PPP6R3: variants seen among roughly 807,000 people sequenced by gnomAD.
The protein encoded by PPP6R3 is serine/threonine-protein phosphatase 6 regulatory subunit 3.
In PPP6R3, 38 loss-of-function variants were observed where a neutral mutation model predicts 110.7. The observed-to-expected ratio is 0.34, with a 90% CI of 0.26 to 0.45. PPP6R3 has a LOEUF of 0.45. Among genes scored for constraint, PPP6R3 ranks in the 20% least tolerant of loss-of-function variants. The pLI is 1.00. For missense variants in PPP6R3, 870 were observed against 1,062.4 expected (o/e 0.82, Z 2.52); for synonymous variants, 369 against 373.5 (o/e 0.99, Z 0.14).
At chr11:68,462,792 C>T (rs140715890) in intron 1 of PPP6R3, among the ~76,000 whole-genome samples, 1 of 152,240 alleles carries the variant, frequency 6.6e-6, no homozygotes, top group African/African-American at 2.4e-5. Flanking sequence ...GCACCTTCCC[C>T]TGGTATTGTT....
At chr11:68,552,357 T>A (rs1307521575) in intron 6 of PPP6R3, among the ~76,000 whole-genome samples, 1 of 152,184 alleles carries the variant, frequency 6.6e-6, no homozygotes, top group Non-Finnish European at 1.5e-5. Flanking sequence ...CAGAAATACA[T>A]TTTCTGTGAT....
intron 3 of PPP6R3, among the ~76,000 whole-genome samples, chr11:68,540,489 C>T (rs574435427): frequency 7.9e-5 from 12 of 152,170 alleles, no homozygotes; most frequent in African/African-American, 2.2e-4. Context: ...ATCACAGGAC[C>T]GGGGCAAAAT....
Position 68,555,787 on chromosome 11 carries a change from T to G in PPP6R3, c.731+1530T>G, listed in dbSNP as rs552651815. On this transcript the variant is annotated intron_variant, in intron 7 of 23. Coordinates refer to ENST00000393800, the MANE Select transcript of PPP6R3 (RefSeq NM_001164161.2). ...CATTAAATTAGTTGGAGTAAATGTG[T>G]TCAAATACATGGACCTGATGAATCA... Among the ~76,000 whole-genome samples the G allele has an allele frequency of 3.3e-5, 5 of 152,364 alleles. No individual in the cohort carries two copies. The East Asian group carries it at 9.6e-4, about 29-fold the overall frequency.
At chr11:68,491,880 A>G (rs1274536775) in intron 1 of PPP6R3, among the ~76,000 whole-genome samples, 1 of 151,966 alleles carries the variant, frequency 6.6e-6, no homozygotes. Context: ...TAAAAAAAAA[A>G]CCACACAAAA....
At chr11:68,473,226 AGAG>A (rs1221340015) in intron 1 of PPP6R3, among the ~76,000 whole-genome samples, 2 of 152,172 alleles carry the variant, frequency 1.3e-5, no homozygotes, top group African/African-American at 2.4e-5. Context: ...GCCTTCAGTG[AGAG>A]GAGATTTGCT....
At chr11:68,514,068 A>G (rs1052037995) in intron 1 of PPP6R3, among the ~76,000 whole-genome samples, 1 of 152,184 alleles carries the variant, frequency 6.6e-6, no homozygotes, top group Non-Finnish European at 1.5e-5. Flanking sequence ...TAATGTATGT[A>G]CGAATGAATG....
At chr11:68,561,376 G>C (rs2099419254) in intron 8 of PPP6R3, among the ~76,000 whole-genome samples, 1 of 152,100 alleles carries the variant, frequency 6.6e-6, no homozygotes, top group African/African-American at 2.4e-5. Context: ...TTGGGACTAG[G>C]TGAACCACCT....
rs541603034 is a variant in PPP6R3, at chr11:68,615,152, A to T, written c.*2035A>T. ...GCAGGGAAAGGATATGACAATGGGGAGGACAGTTCTTTTGGAGGTTGGAGG... is the reference window on the plus strand; with the variant it reads ...GCAGGGAAAGGATATGACAATGGGGTGGACAGTTCTTTTGGAGGTTGGAGG... On this transcript the variant is annotated 3_prime_UTR_variant, in exon 24 of 24. Coordinates refer to ENST00000393800, the MANE Select transcript of PPP6R3 (RefSeq NM_001164161.2). 6.4e-5 allele frequency: 29 copies of T among 452,012 alleles called. No individual in the cohort carries two copies. Among genetic ancestry groups the T allele is most frequent in the African/African-American group, 5.8e-4 (29 of 50,008 alleles). 28.0% of individuals were successfully genotyped at this position (452,012 alleles called of 1,614,324 possible).
chr11:68,550,976 T>C, intron 5 of PPP6R3, 145 bp from the exon 6 acceptor site: 1 of 594,720 alleles, frequency 1.7e-6, no homozygotes, highest in Non-Finnish European at 2.9e-6. Context: ...TGGGGGACTT[T>C]TAATTTTCTG....
intron 14 of PPP6R3, among the ~76,000 whole-genome samples, chr11:68,577,053 A>G (rs929181104): frequency 6.6e-6 from 1 of 152,212 alleles, no homozygotes; most frequent in African/African-American, 2.4e-5. Flanking sequence ...AGGAAGTATT[A>G]AGAGTTGGAA....
At chr11:68,506,056 C>T (rs749328380) in intron 1 of PPP6R3, among the ~76,000 whole-genome samples, 2 of 150,860 alleles carry the variant, frequency 1.3e-5, no homozygotes, top group African/African-American at 4.9e-5. Flanking sequence ...TTTTTCCCCC[C>T]GCGTTGTAGG....
At chr11:68,477,769 T>TATATATATATATAA (rs2098846149) in intron 1 of PPP6R3, among the ~76,000 whole-genome samples, 1 of 138,148 alleles carries the variant, frequency 7.2e-6, no homozygotes, top group Non-Finnish European at 1.6e-5. Context: ...TATATATATA[T>TATATATATATATAA]ATAATTTCCA....
intron 2 of PPP6R3, among the ~76,000 whole-genome samples, chr11:68,531,396 G>T (rs1225568571): frequency 6.6e-6 from 1 of 151,526 alleles, no homozygotes; most frequent in African/African-American, 2.4e-5. Context: ...GGTTTGCAGT[G>T]GTATGATCAT....
At chr11:68,567,388 T>C (rs1235894239) in intron 10 of PPP6R3, among the ~76,000 whole-genome samples, 1 of 152,210 alleles carries the variant, frequency 6.6e-6, no homozygotes, top group African/African-American at 2.4e-5. Context: ...AATTGTAACA[T>C]AGGATTTTGA....
chr11:68,523,431 T>G (rs1301852684), intron 2 of PPP6R3, among the ~76,000 whole-genome samples: 1 of 152,228 alleles, frequency 6.6e-6, no homozygotes, highest in Non-Finnish European at 1.5e-5. Context: ...AATGTGTGAA[T>G]AGATCCGTCA....
intron 2 of PPP6R3, among the ~76,000 whole-genome samples, chr11:68,532,038 T>C (rs962762868): frequency 1.8e-4 from 28 of 152,348 alleles, no homozygotes; most frequent in African/African-American, 6.7e-4. Context: ...TAGACTGATG[T>C]TCTTGTTCTA....
chr11:68,525,651 G>A (rs534251337), intron 2 of PPP6R3, among the ~76,000 whole-genome samples: 155 of 152,208 alleles, frequency 1.0e-3, no homozygotes, highest in Non-Finnish European at 1.6e-3. Flanking sequence ...TTAAAAAAAC[G>A]GGCTTTTGAA....
At chr11:68,487,429 G>A (rs2098954912) in intron 1 of PPP6R3, among the ~76,000 whole-genome samples, 1 of 152,060 alleles carries the variant, frequency 6.6e-6, no homozygotes, top group Non-Finnish European at 1.5e-5. Context: ...ATTAGCCGGG[G>A]CATGGTGGCA....
At chr11:68,603,845 C>T (rs554721848) in intron 22 of PPP6R3, among the ~76,000 whole-genome samples, 1 of 152,204 alleles carries the variant, frequency 6.6e-6, no homozygotes, top group Non-Finnish European at 1.5e-5. Context: ...TTTACAAAAA[C>T]CTTTACTTAT....
Sources: allele counts gnomAD v4.1 joint callset (sites outside exome capture counted in the v4.1 genomes callset), GRCh38; gene constraint gnomAD v4.1.1; transcripts MANE v1.5; gene names NCBI Gene and HGNC (gene_info 2026-07-23, HGNC 2026-07-21).